CYB5D1: variants seen among roughly 807,000 people sequenced by gnomAD.
The protein encoded by CYB5D1 is cytochrome b5 domain containing 1.
A neutral mutation model predicts 24.3 loss-of-function variants in CYB5D1; 30 were observed. That is an observed-to-expected ratio of 1.23 (90% CI 0.92 to 1.67). The LOEUF (loss-of-function observed/expected upper bound fraction) is 1.67. Among genes scored for constraint, CYB5D1 ranks in the 40% most tolerant of loss-of-function variants. The pLI is 0.00. For missense variants in CYB5D1, 265 were observed against 296.7 expected (o/e 0.89, Z 0.79); for synonymous variants, 128 against 123.2 (o/e 1.04, Z -0.26).
In CYB5D1 at chr17:7,861,405, T is replaced by C. The variant is rs1247340276; in HGVS notation, c.*1793T>C. Reference sequence around the variant, plus strand: ...CCCATGGAATGCAGGAGTCCATGAATTATCTAAATCGATCATTTTGATCTT... The same window carrying C: ...CCCATGGAATGCAGGAGTCCATGAACTATCTAAATCGATCATTTTGATCTT... On this transcript the variant is annotated 3_prime_UTR_variant, in exon 4 of 4. Coordinates refer to ENST00000332439, the MANE Select transcript of CYB5D1 (RefSeq NM_144607.6). 6.6e-6 allele frequency: 1 copy of C among 152,204 alleles called. No homozygotes were observed. Among genetic ancestry groups the C allele is most frequent in the Non-Finnish European group, 1.5e-5 (1 of 68,038 alleles). The allele number at this position is 152,204 out of a possible 1,614,324, so 9.4% of individuals were successfully genotyped here. A position where few individuals can be genotyped will look rare whatever the true frequency, so the allele number is the denominator to read the frequency against.
chr17:7,858,675 G>A lies in CYB5D1; in HGVS notation c.307G>A (p.Val103Ile). The A allele has an allele frequency of 6.2e-7, 1 of 1,611,044 alleles. No individual in the cohort carries two copies. The highest frequency in any genetic ancestry group is 8.5e-7 in the Non-Finnish European group (1 of 1,178,182). ...YCTPRGRFVH[V>I]PPQLPCSDWA... ...CACCCCGCGGGGCCGCTTTGTGCAC[G>A]TTCCGCCTCAGCTGCCCTGTTCGGA... Residue 103 changes from valine (V) to isoleucine (I), a missense_variant, in exon 3 of 4, where the codon GTT (valine) becomes ATT (isoleucine). Coordinates refer to ENST00000332439, the MANE Select transcript of CYB5D1 (RefSeq NM_144607.6).
rs531757414 is a variant in CYB5D1, at chr17:7,861,880, T to A, written c.*2268T>A. On this transcript the variant is annotated 3_prime_UTR_variant, in exon 4 of 4. Transcript: ENST00000332439. ...TGGAATAAAGTCCTAAATTCAAAGA[T>A]CTTGTATAAATCAGGCTCATCTCGC... 11 of 152,360 alleles carry A rather than the reference T, an allele frequency of 7.2e-5. No homozygotes were observed. The highest frequency in any genetic ancestry group is 1.3e-4 in the Non-Finnish European group (9 of 68,038). 9.4% of individuals were successfully genotyped at this position (152,360 alleles called of 1,614,324 possible).
chr17:7,858,773 C>T lies in CYB5D1; in HGVS notation c.405C>T (p.Thr135=), dbSNP rs773923474. ...YYEVGRLSAK[T]RSIRIINTLT... ...AGGTGGGGCGGCTGTCTGCCAAGACCCGGAGCATCCGCATCATTAACACGC... is the reference window on the plus strand; with the variant it reads ...AGGTGGGGCGGCTGTCTGCCAAGACTCGGAGCATCCGCATCATTAACACGC... The change falls in exon 3 of 4, where the codon ACC becomes ACT. Residue 135 remains threonine, a synonymous_variant. Coordinates refer to ENST00000332439, the MANE Select transcript of CYB5D1 (RefSeq NM_144607.6). 2.5e-6 allele frequency: 4 copies of T among 1,584,650 alleles called. No individual in the cohort carries two copies. The highest frequency in any genetic ancestry group is 1.8e-5 in the Admixed American group (1 of 55,392).
At position 7,859,655 on chromosome 17, in the gene CYB5D1, G is replaced by C; in HGVS notation, c.*43G>C. ...CGTGTAGACTCAAGACGTATTTCGAGTTTGGCTTTTTCTGTGCCTTGAGGA... is the reference window on the plus strand; with the variant it reads ...CGTGTAGACTCAAGACGTATTTCGACTTTGGCTTTTTCTGTGCCTTGAGGA... On this transcript the variant is annotated 3_prime_UTR_variant, in exon 4 of 4. Transcript: ENST00000332439. 6.3e-7 allele frequency: 1 copy of C among 1,597,284 alleles called. No individual in the cohort carries two copies. Among genetic ancestry groups the C allele is most frequent in the Non-Finnish European group, 8.6e-7 (1 of 1,165,818 alleles).
Position 7,858,422 on chromosome 17 carries a change from C to G in CYB5D1, c.180C>G (p.Pro60=). ...QEYKGNLLLK[P]IVEVAGQDIS... The stretch of plus-strand genomic sequence containing the variant: ...TTCAAGGGAACCTGCTGCTGAAACC[C>G]ATCGTGGAAGTTGCAGGCCAGGATA... The change falls in exon 2 of 4, where the codon CCC becomes CCG. Residue 60 remains proline (P), a synonymous_variant. Transcript: ENST00000332439. 1 of 1,614,162 alleles carries G rather than the reference C, an allele frequency of 6.2e-7. No homozygotes were observed. Among genetic ancestry groups the G allele is most frequent in the South Asian group, 1.1e-5 (1 of 91,086 alleles).
chr17:7,858,439 G>A lies in CYB5D1; in HGVS notation c.197G>A (p.Gly66Asp), dbSNP rs1204214194. ...CTGAAACCCATCGTGGAAGTTGCAG[G>A]CCAGGATATCAGCCACTGGTTTGAT... ...LLLKPIVEVA[G>D]QDISHWFDPK... Residue 66 changes from glycine (G) to aspartate (D), a missense_variant, in exon 2 of 4, where the codon GGC (glycine) becomes GAC (aspartate). Physicochemically the swap from Gly to Asp is moderately conservative, Grantham distance 94. Coordinates refer to ENST00000332439, the MANE Select transcript of CYB5D1 (RefSeq NM_144607.6). The A allele has an allele frequency of 6.2e-7, 1 of 1,614,096 alleles. No homozygotes were observed. The highest frequency in any genetic ancestry group is 8.5e-7 in the Non-Finnish European group (1 of 1,180,050).
intron 1 of CYB5D1, 30 bp downstream of exon 1, chr17:7,858,324 A>AGTGT (rs751775558): frequency 6.2e-7 from 1 of 1,610,098 alleles, no homozygotes; most frequent in African/African-American, 1.3e-5. Context: ...CCGGGGCCGG[A>AGTGT]GTGTGTGTGT....
At position 7,860,587 on chromosome 17, in the gene CYB5D1, G is replaced by C. The variant is rs1345316682; in HGVS notation, c.*975G>C. ...AAGTCCATGTTCTCTCAATATAAAG[G>C]GACCATCTCAATGTCTAATCTCATG... On this transcript the variant is annotated 3_prime_UTR_variant, in exon 4 of 4. Transcript: ENST00000332439. 6.6e-6 allele frequency: 1 copy of C among 152,066 alleles called. No homozygotes were observed. Among genetic ancestry groups the C allele is most frequent in the African/African-American group, 2.4e-5 (1 of 41,376 alleles). 9.4% of individuals were successfully genotyped at this position (152,066 alleles called of 1,614,324 possible).
rs927289881 is a variant in CYB5D1 at position 7,860,617 on chromosome 17, C to A, written c.*1005C>A. The stretch of plus-strand genomic sequence containing the variant: ...ATCTCAATGTCTAATCTCATGTTAA[C>A]ATTTGTAGCCACTGCTCTCAGCAAG... On this transcript the variant is annotated 3_prime_UTR_variant, in exon 4 of 4. Transcript: ENST00000332439. 6.6e-6 allele frequency: 1 copy of A among 152,162 alleles called. No homozygotes were observed. Among genetic ancestry groups the A allele is most frequent in the African/African-American group, 2.4e-5 (1 of 41,432 alleles). The allele number at this position is 152,162 out of a possible 1,614,324, so 9.4% of individuals were successfully genotyped here.
intron 3 of CYB5D1, 65 bp from the exon 4 acceptor site, chr17:7,859,317 C>G (rs117474084): frequency 0.023 from 30,908 of 1,340,820 alleles, 504 homozygotes; most frequent in Middle Eastern, 0.077. Flanking sequence ...GCACTTTGAT[C>G]CCAGCGTGTG....
In CYB5D1 at chr17:7,859,914, G is replaced by GTAGT. The variant is rs2078870420; in HGVS notation, c.*304_*307dup. 3 of 373,816 alleles carry GTAGT rather than the reference G, an allele frequency of 8.0e-6. No individual in the cohort carries two copies. The highest frequency in any genetic ancestry group is 3.0e-5 in the South Asian group (1 of 33,110). 23.2% of individuals were successfully genotyped at this position (373,816 alleles called of 1,614,324 possible). On this transcript the variant is annotated 3_prime_UTR_variant, in exon 4 of 4. Transcript: ENST00000332439. ...AGAACTGTTTGATAGTTAAGAGAGA[G>GTAGT]TAGTTCTACAGGGGTGAGGGATGGA...
In CYB5D1 at chr17:7,859,477, C is replaced by A. The variant is rs916561270; in HGVS notation, c.552C>A (p.Asn184Lys). 3.1e-6 allele frequency: 5 copies of A among 1,613,910 alleles called. No individual in the cohort carries two copies. Among genetic ancestry groups the A allele is most frequent in the Non-Finnish European group, 4.2e-6 (5 of 1,180,016 alleles). The change falls in exon 4 of 4, where the codon AAC becomes AAA. Residue 184 changes from asparagine (N) to lysine (K), a missense_variant. Physicochemically the swap from Asn to Lys is moderately conservative, Grantham distance 94. Transcript: ENST00000332439. ...ASYTWKYEGK[N>K]LNMDFTLEEN... Reference sequence around the variant, plus strand: ...ACACGTGGAAATATGAAGGGAAGAACCTGAACATGGATTTTACCCTGGAAG... The same window carrying A: ...ACACGTGGAAATATGAAGGGAAGAAACTGAACATGGATTTTACCCTGGAAG...
In CYB5D1 at chr17:7,858,795, A is replaced by G. The variant is rs1384306790; in HGVS notation, c.427A>G (p.Thr143Ala). The change falls in exon 3 of 4, where the codon ACG becomes GCG. Residue 143 changes from threonine (T) to alanine (A), a missense_variant. Coordinates refer to ENST00000332439, the MANE Select transcript of CYB5D1 (RefSeq NM_144607.6). Reference protein sequence around the residue: ...AKTRSIRIINTLTSQEHTLEV... With the variant: ...AKTRSIRIINALTSQEHTLEV... ...GACCCGGAGCATCCGCATCATTAAC[A>G]CGCTCACGTCGCAGGAGCACACACT... 4 of 1,568,094 alleles carry G rather than the reference A, an allele frequency of 2.6e-6. No homozygotes were observed. Among genetic ancestry groups the G allele is most frequent in the Non-Finnish European group, 3.5e-6 (4 of 1,156,286 alleles).
rs1385824363 is a variant in CYB5D1, at chr17:7,858,092, A to G, written c.-43A>G. 1 of 1,609,970 alleles carries G rather than the reference A, an allele frequency of 6.2e-7. No individual in the cohort carries two copies. Among genetic ancestry groups the G allele is most frequent in the Admixed American group, 1.7e-5 (1 of 59,956 alleles). On this transcript the variant is annotated 5_prime_UTR_variant, in exon 1 of 4. Transcript: ENST00000332439. ...TAGTAGTGAGTACGTGCTGAGGAGC[A>G]AAGGAGTAACCAAGAGATCCAGTGA...
chr17:7,859,569 C>G lies in CYB5D1; in HGVS notation c.644C>G (p.Pro215Arg). The G allele has an allele frequency of 6.2e-7, 1 of 1,614,158 alleles. No individual in the cohort carries two copies. Among genetic ancestry groups the G allele is most frequent in the African/African-American group, 1.3e-5 (1 of 75,046 alleles). Reference sequence around the variant, plus strand: ...AGTATGGACGGTACACTTCACACACCTGCAATACTTCTGTACTTCAATGAT... The same window carrying G: ...AGTATGGACGGTACACTTCACACACGTGCAATACTTCTGTACTTCAATGAT... ...YLSMDGTLHT[P>R]AILLYFNDDL... is the part of the protein sequence containing the mutation. The change falls in exon 4 of 4, where the codon CCT (proline) becomes CGT (arginine). Residue 215 changes from proline to arginine, a missense_variant. Pro to Arg is a moderately radical substitution (Grantham distance 103). Coordinates refer to ENST00000332439, the MANE Select transcript of CYB5D1 (RefSeq NM_144607.6).
rs765398900 is a variant in CYB5D1 at position 7,858,184 on chromosome 17, G to A, written c.50G>A (p.Arg17His). ...VAGPDLEYFQ[R>H]RYFTPAEVAQ... ...GGGCCAGACTTGGAGTATTTTCAGC[G>A]TCGCTATTTCACGCCGGCGGAGGTG... is the stretch of plus-strand genomic sequence containing the variant. Residue 17 changes from arginine (R) to histidine (H), a missense_variant, in exon 1 of 4, where the codon CGT (arginine) becomes CAT (histidine). By Grantham distance (29) the Arg-to-His change is conservative. Coordinates refer to ENST00000332439, the MANE Select transcript of CYB5D1 (RefSeq NM_144607.6). 1.9e-6 allele frequency: 3 copies of A among 1,613,924 alleles called. No homozygotes were observed. The Admixed American group carries it at 5.0e-5, about 27-fold the overall frequency.
rs1472362885 is a variant in CYB5D1 at position 7,858,730 on chromosome 17, G to T, written c.362G>T (p.Trp121Leu). ...GCCAACGATTTTGGGAAGCCCTGGT[G>T]GCAGGGGTCGTATTATGAGGTGGGG... ...DWANDFGKPWWQGSYYEVGRL... is the reference protein window; with the variant it reads ...DWANDFGKPWLQGSYYEVGRL... The change falls in exon 3 of 4, where the codon TGG (tryptophan) becomes TTG (leucine). Residue 121 changes from tryptophan (W) to leucine (L), a missense_variant. Trp to Leu is a moderately conservative substitution (Grantham distance 61). Coordinates refer to ENST00000332439, the MANE Select transcript of CYB5D1 (RefSeq NM_144607.6). 6.2e-7 allele frequency: 1 copy of T among 1,607,398 alleles called. No homozygotes were observed. The highest frequency in any genetic ancestry group is 8.5e-7 in the Non-Finnish European group (1 of 1,176,720).
Position 7,859,640 on chromosome 17 carries a change from CAA to C in CYB5D1, c.*29_*30del, listed in dbSNP as rs745548841. ...AAGGAGATGTACACTCGTGTAGACT[CAA>C]GACGTATTTCGAGTTTGGCTTTTTC... On this transcript the variant is annotated 3_prime_UTR_variant, in exon 4 of 4. Coordinates refer to ENST00000332439, the MANE Select transcript of CYB5D1 (RefSeq NM_144607.6). The C allele has an allele frequency of 1.2e-6, 2 of 1,604,094 alleles. No individual in the cohort carries two copies. The highest frequency in any genetic ancestry group is 1.7e-6 in the Non-Finnish European group (2 of 1,171,562).
rs1035445877 is a variant in CYB5D1 at position 7,858,212 on chromosome 17, C to T, written c.78C>T (p.Ala26=). The part of the protein sequence containing the change: ...QRRYFTPAEV[A]QHNRPEDLWV... The stretch of plus-strand genomic sequence containing the variant: ...GCTATTTCACGCCGGCGGAGGTGGC[C>T]CAACATAACAGGCCCGAAGACCTCT... Residue 26 remains alanine, a synonymous_variant, in exon 1 of 4, where the codon GCC becomes GCT. Transcript: ENST00000332439. 2 of 1,613,944 alleles carry T rather than the reference C, an allele frequency of 1.2e-6. No homozygotes were observed. Among genetic ancestry groups the T allele is most frequent in the Admixed American group, 1.7e-5 (1 of 60,006 alleles).
Sources: allele counts gnomAD v4.1 joint callset, GRCh38; gene constraint gnomAD v4.1.1; transcripts MANE v1.5; gene names NCBI Gene and HGNC (gene_info 2026-07-23, HGNC 2026-07-21).